PTPRD: variants seen among roughly 807,000 people sequenced by gnomAD.
The protein encoded by PTPRD is receptor-type tyrosine-protein phosphatase delta.
A neutral mutation model predicts 214.5 loss-of-function variants in PTPRD; 34 were observed. The observed-to-expected ratio is 0.16, with a 90% confidence interval of 0.12 to 0.21. The LOEUF (loss-of-function observed/expected upper bound fraction) is 0.21, where lower values mean the gene tolerates loss of function less well. PTPRD is among the 10% of genes least tolerant of loss of function. The pLI, the probability that PTPRD is intolerant of heterozygous loss-of-function variation, is 1.00. For missense variants in PTPRD, 2,545 were observed against 2,398.7 expected, an observed-to-expected ratio of 1.06 and a Z score of -1.27; for synonymous variants, 1,128 against 845.7, an observed-to-expected ratio of 1.33 and a Z score of -5.79.
chr9:8,841,511 G>A (rs1211335826), intron 11 of PTPRD, among the ~76,000 whole-genome samples: 1 of 151,900 alleles, frequency 6.6e-6, no homozygotes, highest in African/African-American at 2.4e-5. Context: ...ATTATTATGT[G>A]CCAAAATGCC....
chr9:9,202,691 A>G (rs1353613423), intron 9 of PTPRD, among the ~76,000 whole-genome samples: 1 of 152,180 alleles, frequency 6.6e-6, no homozygotes. Flanking sequence ...TATTGAGAAA[A>G]TATGTTCCTA....
chr9:8,637,359 G>C (rs72698262), intron 12 of PTPRD, among the ~76,000 whole-genome samples: 6,590 of 152,266 alleles, frequency 0.043, 430 homozygotes, highest in African/African-American at 0.14. Flanking sequence ...GCAAGAAATA[G>C]AAATAGGGGA....
At chr9:10,017,622 T>C (rs1471194797) in intron 4 of PTPRD, among the ~76,000 whole-genome samples, 2 of 152,138 alleles carry the variant, frequency 1.3e-5, no homozygotes, top group African/African-American at 4.8e-5. Context: ...GAGGCCAATT[T>C]TAATTTTTCC....
intron 4 of PTPRD, among the ~76,000 whole-genome samples, chr9:9,953,087 A>AT (rs2093597935): frequency 6.6e-6 from 1 of 152,182 alleles, no homozygotes; most frequent in African/African-American, 2.4e-5. Context: ...GTGGTGACCC[A>AT]CATCATATGT....
intron 3 of PTPRD, among the ~76,000 whole-genome samples, chr9:10,135,487 C>T (rs2098935980): frequency 6.6e-6 from 1 of 152,058 alleles, no homozygotes; most frequent in African/African-American, 2.4e-5. Flanking sequence ...AAAGAAGTGT[C>T]AGATCACTTA....
At chr9:10,461,446 C>T (rs2098957951) in intron 2 of PTPRD, among the ~76,000 whole-genome samples, 1 of 151,606 alleles carries the variant, frequency 6.6e-6, no homozygotes, top group African/African-American at 2.4e-5. Flanking sequence ...ATCTAGGTGC[C>T]TATCAATGAA....
At chr9:10,301,299 C>T (rs1241704491) in intron 3 of PTPRD, among the ~76,000 whole-genome samples, 6 of 152,146 alleles carry the variant, frequency 3.9e-5, no homozygotes, top group Non-Finnish European at 7.3e-5. Context: ...GATAAATCCA[C>T]AAAGATGGGG....
intron 7 of PTPRD, among the ~76,000 whole-genome samples, chr9:9,603,882 G>T (rs2093965694): frequency 6.6e-6 from 1 of 151,910 alleles, no homozygotes; most frequent in Non-Finnish European, 1.5e-5. Flanking sequence ...AGGGGTACAG[G>T]TGCAGGTTTT....
At position 8,514,272 on chromosome 9, in the gene PTPRD, A is replaced by G. The variant is rs142297296; in HGVS notation, c.1543+3576T>C. Among the ~76,000 whole-genome samples, 455 of 152,304 alleles carry G rather than the reference A, an allele frequency of 3.0e-3. 2 individuals are homozygous for G. Among genetic ancestry groups the G allele is most frequent in the African/African-American group, 0.01 (426 of 41,576 alleles). On this transcript the variant is annotated intron_variant, in intron 21 of 45. Transcript: ENST00000381196. ...TTTTTCATTTAGCATTCTAAATACA[A>G]GGATTCTCACAATTGTCTAAGATTC...
intron 11 of PTPRD, among the ~76,000 whole-genome samples, chr9:8,793,650 T>G (rs2096307729): frequency 6.6e-6 from 1 of 152,194 alleles, no homozygotes; most frequent in African/African-American, 2.4e-5. Context: ...TCAGAACACT[T>G]TTGTTTGCAG....
In PTPRD at chr9:8,341,820, T is replaced by A. The variant is rs764052933; in HGVS notation, c.4820A>T (p.Asp1607Val). The A allele has an allele frequency of 6.2e-7, 1 of 1,613,606 alleles. No homozygotes were observed. The highest frequency in any genetic ancestry group is 1.7e-5 in the Admixed American group (1 of 59,950). ...QTEDQYIFIH[D>V]ALLEAVTCGN... ...ACAAGTCACTGCTTCTAACAGTGCA[T>A]CATGGATAAAGATGTATTGGTCTTC... The change falls in exon 40 of 46, where the codon GAT becomes GTT. Residue 1607 changes from aspartate (D) to valine (V), a missense_variant. Transcript: ENST00000381196.
At chr9:8,583,548 T>C (rs536806468) in intron 14 of PTPRD, among the ~76,000 whole-genome samples, 1 of 152,314 alleles carries the variant, frequency 6.6e-6, no homozygotes, top group African/African-American at 2.4e-5. Context: ...TGTTGAAGAA[T>C]GATACCAGTT....
intron 9 of PTPRD, among the ~76,000 whole-genome samples, chr9:9,322,827 AT>A (rs1413670939): frequency 3.9e-5 from 6 of 152,168 alleles, no homozygotes; most frequent in African/African-American, 1.4e-4. Context: ...GCATGTAAGC[AT>A]GTAAGAGTGA....
chr9:9,416,820 A>G (rs1210515827), intron 8 of PTPRD, among the ~76,000 whole-genome samples: 1 of 152,200 alleles, frequency 6.6e-6, no homozygotes, highest in Non-Finnish European at 1.5e-5. Context: ...AAAGCCATAA[A>G]CCAGCTTCTG....
intron 10 of PTPRD, among the ~76,000 whole-genome samples, chr9:9,163,853 G>T (rs1372308374): frequency 1.3e-5 from 2 of 152,116 alleles, no homozygotes; most frequent in African/African-American, 4.8e-5. Flanking sequence ...CCACATCTAA[G>T]GCTTCACATA....
chr9:9,317,095 A>G (rs185402543), intron 9 of PTPRD, among the ~76,000 whole-genome samples: 230 of 152,254 alleles, frequency 1.5e-3, no homozygotes, highest in Non-Finnish European at 1.8e-3. Flanking sequence ...TTCTATCACA[A>G]TATTTTCAAT....
rs12346020 is a variant in PTPRD at position 10,278,577 on chromosome 9, T to G, written c.-545+62386A>C. 3.7e-3 allele frequency among the ~76,000 whole-genome samples: 565 copies of G among 152,288 alleles called. 5 individuals are homozygous for G. The Middle Eastern group carries it at 0.037, about 10-fold the overall frequency. Reference sequence around the variant, plus strand: ...GTGTGCCTATGTGTGTGTGTGTTGCTGCTCCAAAAAGTTCTATCTCCTGAT... The same window carrying G: ...GTGTGCCTATGTGTGTGTGTGTTGCGGCTCCAAAAAGTTCTATCTCCTGAT... On this transcript the variant is annotated intron_variant, in intron 3 of 45. Transcript: ENST00000381196.
At chr9:9,094,612 A>G (rs1214166199) in intron 10 of PTPRD, among the ~76,000 whole-genome samples, 1 of 152,136 alleles carries the variant, frequency 6.6e-6, no homozygotes, top group Non-Finnish European at 1.5e-5. Flanking sequence ...AATCTCAGAA[A>G]TCACAATGGA....
chr9:8,990,977 G>A (rs999764286), intron 11 of PTPRD, among the ~76,000 whole-genome samples: 4 of 152,026 alleles, frequency 2.6e-5, no homozygotes, highest in African/African-American at 7.2e-5. Context: ...CACTTTGGGA[G>A]GTCAAGGCGG....
Sources: allele counts gnomAD v4.1 joint callset (sites outside exome capture counted in the v4.1 genomes callset), GRCh38; gene constraint gnomAD v4.1.1; transcripts MANE v1.5; gene names NCBI Gene and HGNC (gene_info 2026-07-23, HGNC 2026-07-21).